The following SHANK1 variants were observed in gnomAD, a reference collection of about 807,000 sequenced individuals.
SHANK1 encodes SH3 and multiple ankyrin repeat domains protein 1.
SHANK1 carries 35 observed loss-of-function variants against 165.6 expected under a neutral mutation model. That is an observed-to-expected ratio of 0.21 (90% confidence interval 0.16 to 0.28). The LOEUF is 0.28. Among genes scored for constraint, SHANK1 ranks in the 10% least tolerant of loss-of-function variants. The probability of loss-of-function intolerance (pLI) is 1.00; values close to 1 mark genes in which losing one functional copy is unlikely to be tolerated. For synonymous variants in SHANK1, 1,428 were observed against 1,384.8 expected, an observed-to-expected ratio of 1.03 and a Z score of -0.69; for missense variants, 2,681 against 3,036.4, an observed-to-expected ratio of 0.88 and a Z score of 2.75.
In SHANK1 at chr19:50,716,221, A is replaced by T; in HGVS notation, c.459+54T>A. On this transcript the variant is annotated intron_variant, in intron 3 of 23. Coordinates refer to ENST00000293441, the MANE Select transcript of SHANK1 (RefSeq NM_016148.5). The surrounding 1 kb of genome is among the most constrained non-coding windows in gnomAD (Gnocchi z 8.4). ...GTGTTAAAAAGTGGGTGGGGGGCAGATGTGTTTTAGGGCATGCCTTCTCTT... is the reference window on the plus strand; with the variant it reads ...GTGTTAAAAAGTGGGTGGGGGGCAGTTGTGTTTTAGGGCATGCCTTCTCTT... The T allele has an allele frequency of 6.5e-7, 1 of 1,538,854 alleles. No homozygotes were observed. Among genetic ancestry groups the T allele is most frequent in the East Asian group, 2.3e-5 (1 of 44,336 alleles).
chr19:50,711,604 C>T, intron 7 of SHANK1, 117 bp from the exon 8 acceptor site: 1 of 752,480 alleles, frequency 1.3e-6, no homozygotes, highest in Non-Finnish European at 2.2e-6. Flanking sequence ...ACCGCATCCA[C>T]CTCCCCATCA....
intron 15 of SHANK1, among the ~76,000 whole-genome samples, chr19:50,691,233 G>C (rs535021623): frequency 6.6e-6 from 1 of 152,190 alleles, no homozygotes; most frequent in African/African-American, 2.4e-5. Context: ...GCAAGTGGAC[G>C]GGGAAACTGG....
At position 50,667,180 on chromosome 19, in the gene SHANK1, C is replaced by A; in HGVS notation, c.4780G>T (p.Asp1594Tyr). Residue 1594 changes from aspartate to tyrosine, a missense_variant, in exon 23 of 24, where the codon GAC (aspartate) becomes TAC (tyrosine). Asp to Tyr is a radical substitution (Grantham distance 160, BLOSUM62 -3). Transcript: ENST00000293441. This position sits in a 1 kb window ranked among gnomAD's most constrained non-coding sequence, Gnocchi z 5.7. ...AACGGGGTGGCAGGGGCAGGTGTGT[C>A]GGGCAGCGGGTGGGGAGGCCCAGGC... ...LTPGPPHPLP[D>Y]TPAPATPLPP... 6.4e-7 allele frequency: 1 copy of A among 1,564,212 alleles called. No homozygotes were observed. The highest frequency in any genetic ancestry group is 8.6e-7 in the Non-Finnish European group (1 of 1,162,104).
At chr19:50,682,821 T>G (rs1432938234) in intron 21 of SHANK1, among the ~76,000 whole-genome samples, 2 of 152,108 alleles carry the variant, frequency 1.3e-5, no homozygotes, top group Non-Finnish European at 2.9e-5. Flanking sequence ...TTTTAATCTT[T>G]TTCGTTTGTT....
intron 15 of SHANK1, among the ~76,000 whole-genome samples, chr19:50,695,290 G>A (rs1986699957): frequency 6.8e-6 from 1 of 147,752 alleles, no homozygotes; most frequent in Non-Finnish European, 1.5e-5. Context: ...GGGCCGCGGC[G>A]GTAGCGCGAG....
intron 23 of SHANK1, among the ~76,000 whole-genome samples, chr19:50,663,624 C>G (rs1985358558): frequency 6.6e-6 from 1 of 152,100 alleles, no homozygotes. Flanking sequence ...TTTGCCTGTC[C>G]TGTCCAGCAG....
Position 50,719,619 on chromosome 19 carries a change from A to T in SHANK1, c.-257T>A, listed in dbSNP as rs1161494608. Among the ~76,000 whole-genome samples, 1 of 143,096 alleles carries T rather than the reference A, an allele frequency of 7.0e-6. No individual in the cohort carries two copies. The highest frequency in any genetic ancestry group is 2.6e-5 in the African/African-American group (1 of 38,530). The allele number at this position is 143,096 out of a possible 152,430, so 93.9% of individuals were successfully genotyped here. On this transcript the variant is annotated 5_prime_UTR_variant, in exon 1 of 24. Transcript: ENST00000293441. ...CCGCGGGCCGGGCCTGGCCATCCGC[A>T]GAGCGCCCCCCCTTCCGCCGCGGCC...
In SHANK1 at chr19:50,718,481, C is replaced by A. The variant is rs866784027; in HGVS notation, c.-44+925G>T. ...CCCCCGCGCGTACGGCTGCCCCAGC[C>A]CCCCCGGGCCGGCTCCGGCCCCTCC... is the stretch of plus-strand genomic sequence containing the variant. On this transcript the variant is annotated intron_variant, in intron 1 of 23. Transcript: ENST00000293441. This position sits in a 1 kb window ranked among gnomAD's most constrained non-coding sequence, Gnocchi z 5.1. Among the ~76,000 whole-genome samples, 40 of 152,170 alleles carry A rather than the reference C, an allele frequency of 2.6e-4. No homozygotes were observed. Among genetic ancestry groups the A allele is most frequent in the South Asian group, 8.3e-4 (4 of 4,822 alleles).
chr19:50,686,045 A>AG lies in SHANK1; in HGVS notation c.2577+191dup, dbSNP rs2123126650. On this transcript the variant is annotated intron_variant, in intron 21 of 23. Coordinates refer to ENST00000293441, the MANE Select transcript of SHANK1 (RefSeq NM_016148.5). The surrounding 1 kb of genome is among the most constrained non-coding windows in gnomAD (Gnocchi z 5.7). ...GAGAAAAGGACAGAGATGGGATTTG[A>AG]GGGAAAGGGGATAAGGAGGAAAGGA... Among the ~76,000 whole-genome samples, 1 of 128,826 alleles carries AG rather than the reference A, an allele frequency of 7.8e-6. No homozygotes were observed. The highest frequency in any genetic ancestry group is 2.0e-4 in the East Asian group (1 of 4,910). The allele number at this position is 128,826 out of a possible 152,430, so 84.5% of individuals were successfully genotyped here. A position where few individuals can be genotyped will look rare whatever the true frequency, so the allele number is the denominator to read the frequency against.
At position 50,666,419 on chromosome 19, in the gene SHANK1, C is replaced by A. The variant is rs1156468511; in HGVS notation, c.5541G>T (p.Pro1847=). The change falls in exon 23 of 24, where the codon CCG becomes CCT. Residue 1847 remains proline, a synonymous_variant. Transcript: ENST00000293441. The part of the protein sequence containing the change: ...LLPWEEGPGP[P]PPPLPGPLAQ... ...CCAAGGGCCCGGGCAGAGGTGGTGGCGGTGGGCCCGGGCCCTCCTCCCAGG... is the reference window on the plus strand; with the variant it reads ...CCAAGGGCCCGGGCAGAGGTGGTGGAGGTGGGCCCGGGCCCTCCTCCCAGG... 4 of 1,611,206 alleles carry A rather than the reference C, an allele frequency of 2.5e-6. No individual in the cohort carries two copies. Among genetic ancestry groups the A allele is most frequent in the South Asian group, 1.1e-5 (1 of 90,854 alleles).
At position 50,671,276 on chromosome 19, in the gene SHANK1, C is replaced by T. The variant is rs191942889; in HGVS notation, c.2674+742G>A. ...TCGGCTCACTGCAAGCTCTGCCTTCCGGGTTCACGCCATTCTCCTGCCTCA... is the reference window on the plus strand; with the variant it reads ...TCGGCTCACTGCAAGCTCTGCCTTCTGGGTTCACGCCATTCTCCTGCCTCA... On this transcript the variant is annotated intron_variant, in intron 22 of 23. Transcript: ENST00000293441. Among the ~76,000 whole-genome samples the T allele has an allele frequency of 4.2e-3, 624 of 146,850 alleles. 5 individuals carry two copies. Among genetic ancestry groups the T allele is most frequent in the Non-Finnish European group, 7.9e-3 (532 of 67,064 alleles).
intron 8 of SHANK1, among the ~76,000 whole-genome samples, chr19:50,707,235 CA>C (rs1215563126): frequency 5.3e-5 from 8 of 152,256 alleles, no homozygotes; most frequent in African/African-American, 1.4e-4. Context: ...TGTACAGGGG[CA>C]TGATTTTGCC....
In SHANK1 at chr19:50,689,206, C is replaced by T. The variant is rs756565618; in HGVS notation, c.2038G>A (p.Gly680Arg). The change falls in exon 16 of 24, where the codon GGG (glycine) becomes AGG (arginine). Residue 680 changes from glycine (G) to arginine (R), a missense_variant. Physicochemically the swap from Gly to Arg is moderately radical, Grantham distance 125. Around this residue, in one of 10 missense-constraint regions of SHANK1, gnomAD observed 147 missense variants for 256.5 expected, o/e 0.57. Coordinates refer to ENST00000293441, the MANE Select transcript of SHANK1 (RefSeq NM_016148.5). The part of the protein sequence containing the change: ...DSEGFGFVLR[G>R]AKAQTPIEEF... ...CCCGGCTGGCACTCACCCTTGGCCC[C>T]CCGGAGCACGAACCCAAACCCCTCA... The T allele has an allele frequency of 1.2e-6, 2 of 1,611,614 alleles. No homozygotes were observed. The highest frequency in any genetic ancestry group is 1.1e-5 in the South Asian group (1 of 90,892).
At chr19:50,692,768 T>C (rs1034144582) in intron 15 of SHANK1, among the ~76,000 whole-genome samples, 1 of 150,802 alleles carries the variant, frequency 6.6e-6, no homozygotes, top group African/African-American at 2.5e-5. Flanking sequence ...CACTCCCTAC[T>C]CCTCCATGCC....
intron 4 of SHANK1, among the ~76,000 whole-genome samples, chr19:50,715,125 C>T (rs890334961): frequency 6.6e-6 from 1 of 152,042 alleles, no homozygotes; most frequent in Non-Finnish European, 1.5e-5. Context: ...TTCCTCCCAG[C>T]TCTCACCATC....
chr19:50,697,514 G>A lies in SHANK1; in HGVS notation c.1937+75C>T. 8.8e-7 allele frequency: 1 copy of A among 1,131,000 alleles called. No homozygotes were observed. Among genetic ancestry groups the A allele is most frequent in the African/African-American group, 1.5e-5 (1 of 65,706 alleles). The allele number at this position is 1,131,000 out of a possible 1,614,324, so 70.1% of individuals were successfully genotyped here. ...ATTAGAAAGGGGGCTTAGAGGTGAT[G>A]GAAATATTTAAAGGTGTACATTGTG... On this transcript the variant is annotated intron_variant, in intron 14 of 23. Coordinates refer to ENST00000293441, the MANE Select transcript of SHANK1 (RefSeq NM_016148.5). The surrounding 1 kb of genome is among the most constrained non-coding windows in gnomAD (Gnocchi z 4.7).
rs755750271 is a variant in SHANK1 at position 50,702,547 on chromosome 19, C to G, written c.1667G>C (p.Gly556Ala). Residue 556 changes from glycine to alanine, a missense_variant, in exon 12 of 24, where the codon GGA becomes GCA. Physicochemically the swap from Gly to Ala is moderately conservative, Grantham distance 60. Around this residue, in one of 10 missense-constraint regions of SHANK1, gnomAD observed 195 missense variants for 186.2 expected, o/e 1.05. Coordinates refer to ENST00000293441, the MANE Select transcript of SHANK1 (RefSeq NM_016148.5). This position sits in a 1 kb window ranked among gnomAD's most constrained non-coding sequence, Gnocchi z 5.3. ...GGACTTCACAGCCATGAAGGAGCGT[C>G]CGGGTACCGCTGAGTAGAGCTTCCT... is the stretch of plus-strand genomic sequence containing the variant. ...RRRKLYSAVP[G>A]RSFMAVKSYQ... 2.5e-6 allele frequency: 4 copies of G among 1,613,320 alleles called. No homozygotes were observed. In the Admixed American group the frequency reaches 6.7e-5, roughly 27 times the overall value.
In SHANK1 at chr19:50,662,801, G is replaced by T; in HGVS notation, c.5769-119C>A. On this transcript the variant is annotated intron_variant, in intron 23 of 23. Coordinates refer to ENST00000293441, the MANE Select transcript of SHANK1 (RefSeq NM_016148.5). The surrounding 1 kb of genome is among the most constrained non-coding windows in gnomAD (Gnocchi z 7.7). Reference sequence around the variant, plus strand: ...AGGAGGAGAGACATAAGGGTAGGGGGAGAGACGGAGGAGAGACGGGAAGAA... The same window carrying T: ...AGGAGGAGAGACATAAGGGTAGGGGTAGAGACGGAGGAGAGACGGGAAGAA... The T allele has an allele frequency of 9.7e-7, 1 of 1,033,034 alleles. No individual in the cohort carries two copies. The highest frequency in any genetic ancestry group is 1.4e-6 in the Non-Finnish European group (1 of 702,970). The allele number at this position is 1,033,034 out of a possible 1,614,324, so 64.0% of individuals were successfully genotyped here. A position where few individuals can be genotyped will look rare whatever the true frequency, so the allele number is the denominator to read the frequency against.
chr19:50,661,848 G>A lies in SHANK1; in HGVS notation c.*117C>T. 1.7e-6 allele frequency: 2 copies of A among 1,185,898 alleles called. No homozygotes were observed. The highest frequency in any genetic ancestry group is 1.5e-5 in the African/African-American group (1 of 66,608). The allele number at this position is 1,185,898 out of a possible 1,614,324, so 73.5% of individuals were successfully genotyped here. On this transcript the variant is annotated 3_prime_UTR_variant, in exon 24 of 24. Transcript: ENST00000293441. ...CTCTGGCCTTGGGAGATGAGGGCAG[G>A]GCGCAGTTTGAACAGAGTCCCTGGC...
Sources: gnomAD v4.1 joint callset for allele counts (sites outside exome capture counted in the v4.1 genomes callset) on GRCh38, gnomAD v4.1.1 for gene constraint, gnomAD v4.1.1 regional missense constraint, Gnocchi (gnomAD v3.1) non-coding constraint, MANE v1.5 for transcripts, NCBI Gene and HGNC (gene_info 2026-07-23, HGNC 2026-07-21) for gene names.